The following IQGAP2 variants were observed in gnomAD, a reference collection of about 807,000 sequenced individuals.
The protein encoded by IQGAP2 is ras GTPase-activating-like protein IQGAP2.
Under a neutral mutation model 201.3 loss-of-function variants are expected in IQGAP2, and 173 were observed. The observed-to-expected ratio is 0.86, with a 90% CI of 0.76 to 0.98. The LOEUF is 0.98. Among genes scored for constraint, IQGAP2 ranks in the 50% least tolerant of loss-of-function variants. IQGAP2 has a pLI of 0.00. For missense variants in IQGAP2, 1,687 were observed against 1,864.8 expected, an observed-to-expected ratio of 0.90 and a Z score of 1.76; for synonymous variants, 675 against 673.9, an observed-to-expected ratio of 1.00 and a Z score of -0.03.
intron 2 of IQGAP2, among the ~76,000 whole-genome samples, chr5:76,514,856 GGGTC>G (rs772897041): frequency 1.3e-5 from 2 of 152,112 alleles, no homozygotes; most frequent in South Asian, 2.1e-4. Context: ...TTAATACAGT[GGGTC>G]CTTGAAAAAT....
In IQGAP2 at chr5:76,403,290, T is replaced by C. The variant is rs1282837616; in HGVS notation, c.-256T>C. ...GCCTGGCTGGAGGAGAAAGGAAACC[T>C]GCTGCGGGAGGCGGCGGCGACCGGC... On this transcript the variant is annotated 5_prime_UTR_variant, in exon 1 of 36. Transcript: ENST00000274364. The surrounding 1 kb of genome is among the most constrained non-coding windows in gnomAD (Gnocchi z 4.8). 3 of 339,248 alleles carry C rather than the reference T, an allele frequency of 8.8e-6. No individual in the cohort carries two copies. Among genetic ancestry groups the C allele is most frequent in the African/African-American group, 4.3e-5 (2 of 46,436 alleles). The allele number at this position is 339,248 out of a possible 1,614,324, so 21.0% of individuals were successfully genotyped here.
chr5:76,618,071 T>C, intron 13 of IQGAP2: 1 of 1,614,118 alleles, frequency 6.2e-7, no homozygotes, highest in Non-Finnish European at 8.5e-7. Context: ...GTCCACATGT[T>C]ACCAAGGCAT....
intron 5 of IQGAP2, 76 bp from the exon 6 acceptor site, chr5:76,588,830 T>G: frequency 1.2e-6 from 1 of 844,306 alleles, no homozygotes; most frequent in Non-Finnish European, 1.8e-6. Flanking sequence ...GAAAAAACTA[T>G]TAAGAATTAT....
intron 1 of IQGAP2, among the ~76,000 whole-genome samples, chr5:76,459,314 G>A (rs143821355): frequency 0.01 from 1,588 of 152,080 alleles, 11 homozygotes; most frequent in Middle Eastern, 0.024. Flanking sequence ...AGGCCGGAAG[G>A]GTGCAGCAGC....
chr5:76,621,721 T>G (rs960116981), intron 13 of IQGAP2, among the ~76,000 whole-genome samples: 5 of 152,224 alleles, frequency 3.3e-5, no homozygotes, highest in Admixed American at 3.3e-4. Flanking sequence ...TGGGTCCACT[T>G]AAATAAGGCT....
In IQGAP2 at chr5:76,476,353, T is replaced by C. The variant is rs367787347; in HGVS notation, c.146+14684T>C. Reference sequence around the variant, plus strand: ...GAGAAGTGAGGTGATGGACAGGATGTGGCCTGGGAGAAACGTTTATTTGGG... The same window carrying C: ...GAGAAGTGAGGTGATGGACAGGATGCGGCCTGGGAGAAACGTTTATTTGGG... On this transcript the variant is annotated intron_variant, in intron 2 of 35. Transcript: ENST00000274364. 8.3e-4 allele frequency among the ~76,000 whole-genome samples: 126 copies of C among 152,256 alleles called. 1 individual carries two copies. In the South Asian group the frequency reaches 0.017, roughly 21 times the overall value.
In IQGAP2 at chr5:76,603,307, C is replaced by T. The variant is rs117872985; in HGVS notation, c.1232+2335C>T. Among the ~76,000 whole-genome samples, 4 of 152,308 alleles carry T rather than the reference C, an allele frequency of 2.6e-5. No individual in the cohort carries two copies. In the East Asian group the frequency reaches 5.8e-4, roughly 22 times the overall value. On this transcript the variant is annotated intron_variant, in intron 11 of 35. Transcript: ENST00000274364. ...GAGGTATATCCGTGCTTCTCCCCAC[C>T]CTAGCATCTGATGTTATCTCTCCTG...
At chr5:76,413,774 G>A (rs1050272068) in intron 1 of IQGAP2, among the ~76,000 whole-genome samples, 2 of 152,170 alleles carry the variant, frequency 1.3e-5, no homozygotes, top group African/African-American at 2.4e-5. Context: ...CTAAAAGCCT[G>A]AGGGTTTATA....
chr5:76,704,882 A>G (rs1242163392), intron 35 of IQGAP2, among the ~76,000 whole-genome samples: 2 of 152,208 alleles, frequency 1.3e-5, no homozygotes, highest in African/African-American at 2.4e-5. Flanking sequence ...ACAGGACCAA[A>G]GTTTGAAAGG....
At chr5:76,496,632 A>G (rs1756904081) in intron 2 of IQGAP2, among the ~76,000 whole-genome samples, 1 of 152,156 alleles carries the variant, frequency 6.6e-6, no homozygotes, top group African/African-American at 2.4e-5. Flanking sequence ...TTTGCTACAA[A>G]TGGTATTCAT....
chr5:76,693,332 G>C lies in IQGAP2; in HGVS notation c.3906-23G>C, dbSNP rs750711005. 3.8e-6 allele frequency: 6 copies of C among 1,573,732 alleles called. No homozygotes were observed. In the Admixed American group the frequency reaches 8.6e-5, roughly 23 times the overall value. ...CATAAGGACTACAGTCTGAAAGTCTGTCTCTTTCTCTGGTTTGTTAAGGAC... is the reference window on the plus strand; with the variant it reads ...CATAAGGACTACAGTCTGAAAGTCTCTCTCTTTCTCTGGTTTGTTAAGGAC... On this transcript the variant is annotated intron_variant, in intron 30 of 35. Coordinates refer to ENST00000274364, the MANE Select transcript of IQGAP2 (RefSeq NM_006633.5).
chr5:76,587,309 G>A (rs1413789238), intron 5 of IQGAP2, among the ~76,000 whole-genome samples: 1 of 152,118 alleles, frequency 6.6e-6, no homozygotes, highest in Non-Finnish European at 1.5e-5. Flanking sequence ...CTTTCAAGCT[G>A]GCAATTTTGT....
At chr5:76,680,251 C>T (rs1302321680) in intron 28 of IQGAP2, among the ~76,000 whole-genome samples, 2 of 152,168 alleles carry the variant, frequency 1.3e-5, no homozygotes, top group South Asian at 2.1e-4. Flanking sequence ...ATAGTGTCTC[C>T]AAATGGTACT....
At chr5:76,563,189 C>T (rs1744502540) in intron 3 of IQGAP2, among the ~76,000 whole-genome samples, 1 of 152,100 alleles carries the variant, frequency 6.6e-6, no homozygotes, top group African/African-American at 2.4e-5. Context: ...ATGATCACAC[C>T]ACTGCCCTCC....
At chr5:76,499,162 T>A (rs181641921) in intron 2 of IQGAP2, among the ~76,000 whole-genome samples, 497 of 152,318 alleles carry the variant, frequency 3.3e-3, no homozygotes, top group Middle Eastern at 6.8e-3. Context: ...CAATTATGAT[T>A]GTCTTAACAC....
At position 76,486,547 on chromosome 5, in the gene IQGAP2, T is replaced by C. The variant is rs1302015572; in HGVS notation, c.146+24878T>C. On this transcript the variant is annotated intron_variant, in intron 2 of 35. Transcript: ENST00000274364. ...TTATCAACCTGTTAGATGCTTCTAT[T>C]TGACTTTGCTTAAATAGCGCTGAAG... Among the ~76,000 whole-genome samples, 5 of 152,230 alleles carry C rather than the reference T, an allele frequency of 3.3e-5. No homozygotes were observed. The East Asian group carries it at 7.7e-4, about 23-fold the overall frequency.
intron 5 of IQGAP2, among the ~76,000 whole-genome samples, chr5:76,582,918 G>T (rs1042058238): frequency 6.6e-6 from 1 of 152,090 alleles, no homozygotes; most frequent in African/African-American, 2.4e-5. Flanking sequence ...TCAATGAGTC[G>T]GTAGCTACCT....
At chr5:76,487,693 G>C (rs1160600805) in intron 2 of IQGAP2, among the ~76,000 whole-genome samples, 1 of 152,152 alleles carries the variant, frequency 6.6e-6, no homozygotes, top group African/African-American at 2.4e-5. Flanking sequence ...AGCGAGGTTA[G>C]AGAATGGGGG....
intron 2 of IQGAP2, among the ~76,000 whole-genome samples, chr5:76,463,077 C>G (rs773437472): frequency 7.5e-6 from 1 of 132,798 alleles, no homozygotes; most frequent in Non-Finnish European, 1.5e-5. Flanking sequence ...GAGCTGAGAT[C>G]GGGCTGCTGC....
Sources: allele counts gnomAD v4.1 joint callset (sites outside exome capture counted in the v4.1 genomes callset), GRCh38; gene constraint gnomAD v4.1.1; non-coding constraint Gnocchi (gnomAD v3.1); transcripts MANE v1.5; gene names NCBI Gene and HGNC (gene_info 2026-07-23, HGNC 2026-07-21).